ZFAND3: variants seen among roughly 807,000 people sequenced by gnomAD.
ZFAND3 encodes the protein zinc finger AN1-type containing 3.
A neutral mutation model predicts 29.6 loss-of-function variants in ZFAND3; 10 were observed. The ratio of observed to expected loss-of-function variants is 0.34; its 90% CI spans 0.21 to 0.57. The LOEUF (loss-of-function observed/expected upper bound fraction) is 0.57. Ranked by LOEUF, ZFAND3 falls within the 20% of genes least tolerant of loss-of-function variation. The probability of loss-of-function intolerance (pLI) is 0.86; values close to 1 mark genes in which losing one functional copy is unlikely to be tolerated. For missense variants in ZFAND3, 230 were observed against 304.5 expected, an observed-to-expected ratio of 0.76 and a Z score of 1.82; for synonymous variants, 128 against 112.6, an observed-to-expected ratio of 1.14 and a Z score of -0.87.
intron 2 of ZFAND3, among the ~76,000 whole-genome samples, chr6:38,028,431 CTT>C (rs35389230): frequency 4.0e-5 from 6 of 148,710 alleles, no homozygotes; most frequent in South Asian, 2.1e-4. Flanking sequence ...CTCACATTAT[CTT>C]TTTTTTTTTA....
intron 1 of ZFAND3, among the ~76,000 whole-genome samples, chr6:37,924,339 A>G (rs1761442500): frequency 6.8e-6 from 1 of 146,638 alleles, no homozygotes; most frequent in Admixed American, 6.8e-5. Flanking sequence ...TTAATGGTTC[A>G]GGCCTTCAAA....
intron 1 of ZFAND3, among the ~76,000 whole-genome samples, chr6:37,911,110 A>T (rs996769589): frequency 1.3e-5 from 2 of 152,154 alleles, no homozygotes; most frequent in Non-Finnish European, 2.9e-5. Flanking sequence ...TTTAATTTTA[A>T]TATACTGTTT....
chr6:37,967,602 T>C (rs1002460939), intron 2 of ZFAND3, among the ~76,000 whole-genome samples: 6 of 152,240 alleles, frequency 3.9e-5, no homozygotes, highest in African/African-American at 1.2e-4. Context: ...TATGTTTAAA[T>C]ATATTGAAAA....
At chr6:37,869,843 T>A (rs552584766) in intron 1 of ZFAND3, among the ~76,000 whole-genome samples, 106 of 151,826 alleles carry the variant, frequency 7.0e-4, no homozygotes, top group Middle Eastern at 6.8e-3. Context: ...AAAAAAAAAA[T>A]TAACTCTTGC....
intron 2 of ZFAND3, among the ~76,000 whole-genome samples, chr6:38,008,272 A>G (rs1285645462): frequency 6.6e-6 from 1 of 152,224 alleles, no homozygotes; most frequent in African/African-American, 2.4e-5. Context: ...TAATGATAAT[A>G]TAGCTTATAA....
intron 1 of ZFAND3, among the ~76,000 whole-genome samples, chr6:37,872,186 G>A (rs1764706637): frequency 1.3e-5 from 2 of 152,132 alleles, no homozygotes; most frequent in Admixed American, 1.3e-4. Context: ...GCTTACGTAG[G>A]CCTTCCCTCA....
At chr6:38,100,245 G>A (rs1295135757) in intron 4 of ZFAND3, among the ~76,000 whole-genome samples, 21 of 152,020 alleles carry the variant, frequency 1.4e-4, no homozygotes, top group Admixed American at 1.2e-3. Flanking sequence ...TGTATTTTTA[G>A]TAGAGATGGA....
intron 1 of ZFAND3, among the ~76,000 whole-genome samples, chr6:37,877,845 C>T (rs889779802): frequency 2.6e-5 from 4 of 152,168 alleles, no homozygotes; most frequent in Admixed American, 2.6e-4. Flanking sequence ...AAGTCTTGGT[C>T]AAGCTAAGAA....
intron 1 of ZFAND3, among the ~76,000 whole-genome samples, chr6:37,857,808 G>A (rs1764411726): frequency 6.6e-6 from 1 of 152,178 alleles, no homozygotes; most frequent in Non-Finnish European, 1.5e-5. Context: ...AGATGACCAG[G>A]TCCAGTGTGT....
At chr6:38,040,356 TGGC>T in intron 2 of ZFAND3, among the ~76,000 whole-genome samples, 1 of 152,314 alleles carries the variant, frequency 6.6e-6, no homozygotes, top group South Asian at 2.1e-4. Context: ...TTTCTGTGAC[TGGC>T]TTATTTCACT....
intron 2 of ZFAND3, among the ~76,000 whole-genome samples, chr6:37,960,099 A>T (rs1762166613): frequency 6.6e-6 from 1 of 152,238 alleles, no homozygotes; most frequent in Admixed American, 6.5e-5. Context: ...TCTTCAAGAT[A>T]CCGCAGTGTA....
intron 2 of ZFAND3, among the ~76,000 whole-genome samples, chr6:37,949,802 C>T (rs1296901323): frequency 2.0e-5 from 3 of 152,198 alleles, no homozygotes; most frequent in African/African-American, 7.2e-5. Context: ...GTGCACGACC[C>T]TCCCTGTACA....
intron 1 of ZFAND3, among the ~76,000 whole-genome samples, chr6:37,834,056 TTGG>T (rs1763916981): frequency 6.6e-6 from 1 of 152,110 alleles, no homozygotes; most frequent in African/African-American, 2.4e-5. Flanking sequence ...GGATTCACTC[TTGG>T]TGGTGGTATA....
rs553428823 is a variant in ZFAND3 at position 37,990,774 on chromosome 6, C to G, written c.112+60775C>G. Reference sequence around the variant, plus strand: ...GTTCAGACCAGTCACATTTTAAGTGCTTAATAGCCACATGTGGCCAATGAC... The same window carrying G: ...GTTCAGACCAGTCACATTTTAAGTGGTTAATAGCCACATGTGGCCAATGAC... On this transcript the variant is annotated intron_variant, in intron 2 of 5. Transcript: ENST00000287218. Among the ~76,000 whole-genome samples, 6 of 152,266 alleles carry G rather than the reference C, an allele frequency of 3.9e-5. No homozygotes were observed. The East Asian group carries it at 9.6e-4, about 24-fold the overall frequency.
chr6:37,882,521 C>T (rs1484682057), intron 1 of ZFAND3, among the ~76,000 whole-genome samples: 4 of 152,180 alleles, frequency 2.6e-5, no homozygotes, highest in African/African-American at 9.7e-5. Flanking sequence ...ACACACACTG[C>T]TGCTATACTT....
At position 38,013,474 on chromosome 6, in the gene ZFAND3, A is replaced by G. The variant is rs191707750; in HGVS notation, c.113-48119A>G. ...CCGTCTGTTGTAGTTATTTGTGTGTATTGCCTATTTCCTAGCTTTGCATCC... is the reference window on the plus strand; with the variant it reads ...CCGTCTGTTGTAGTTATTTGTGTGTGTTGCCTATTTCCTAGCTTTGCATCC... On this transcript the variant is annotated intron_variant, in intron 2 of 5. Coordinates refer to ENST00000287218, the MANE Select transcript of ZFAND3 (RefSeq NM_021943.3). 1.5e-4 allele frequency among the ~76,000 whole-genome samples: 23 copies of G among 152,250 alleles called. No homozygotes were observed. In the East Asian group the frequency reaches 4.2e-3, roughly 28 times the overall value.
At chr6:38,088,084 T>C (rs1461740388) in intron 4 of ZFAND3, among the ~76,000 whole-genome samples, 1 of 152,214 alleles carries the variant, frequency 6.6e-6, no homozygotes, top group Admixed American at 6.5e-5. Context: ...AGAGTCAATA[T>C]TCATGGAAAC....
At chr6:38,078,669 T>C (rs1412427894) in intron 3 of ZFAND3, among the ~76,000 whole-genome samples, 1 of 152,212 alleles carries the variant, frequency 6.6e-6, no homozygotes, top group Non-Finnish European at 1.5e-5. Flanking sequence ...ATAATGGTTT[T>C]AATTGTTCTG....
chr6:38,122,302 A>G (rs1018320838), intron 5 of ZFAND3, among the ~76,000 whole-genome samples: 2 of 152,202 alleles, frequency 1.3e-5, no homozygotes, highest in Admixed American at 6.5e-5. Flanking sequence ...ACCTAATACA[A>G]TGTAAATGCT....
Sources: allele counts gnomAD v4.1 joint callset (sites outside exome capture counted in the v4.1 genomes callset), GRCh38; gene constraint gnomAD v4.1.1; transcripts MANE v1.5; gene names NCBI Gene and HGNC (gene_info 2026-07-23, HGNC 2026-07-21).